Variants in SECISBP2 observed in about 807,000 individuals in gnomAD.
SECISBP2 encodes the protein selenocysteine insertion sequence-binding protein 2.
In SECISBP2, 96 loss-of-function variants were observed where a neutral mutation model predicts 98.2. The ratio of observed to expected loss-of-function variants is 0.98; its 90% confidence interval spans 0.83 to 1.16. The LOEUF is 1.16. SECISBP2 is among the 50% of genes most tolerant of loss of function. SECISBP2 has a pLI of 0.00. For synonymous variants in SECISBP2, 407 were observed against 370.2 expected, an observed-to-expected ratio of 1.10 and a Z score of -1.14; for missense variants, 1,046 against 1,022.9, an observed-to-expected ratio of 1.02 and a Z score of -0.31.
At chr9:89,325,375 T>C (rs754076788) in intron 2 of SECISBP2, 52 bp from the exon 3 acceptor site, 2 of 1,567,112 alleles carry the variant, frequency 1.3e-6, no homozygotes, top group Non-Finnish European at 1.8e-6. Context: ...ACAGAAAAGC[T>C]TCTTGGTTTG....
chr9:89,320,488 C>T (rs548290989), intron 2 of SECISBP2, among the ~76,000 whole-genome samples: 18 of 152,020 alleles, frequency 1.2e-4, no homozygotes, highest in Non-Finnish European at 1.8e-4. Context: ...AAACGTACTC[C>T]TCCTTTTTAA....
At position 89,333,736 on chromosome 9, in the gene SECISBP2, T is replaced by A. The variant is rs558833205; in HGVS notation, c.880+750T>A. 4.5e-4 allele frequency among the ~76,000 whole-genome samples: 69 copies of A among 152,372 alleles called. No homozygotes were observed. In the South Asian group the frequency reaches 0.013, roughly 30 times the overall value. ...CTGTCCTGGCCAAGAAGTAATATTT[T>A]CAGAGAGAGTTCCATGTACCCTGCT... On this transcript the variant is annotated intron_variant, in intron 6 of 16. Coordinates refer to ENST00000375807, the MANE Select transcript of SECISBP2 (RefSeq NM_024077.5).
In SECISBP2 at chr9:89,328,863, A is replaced by G; in HGVS notation, c.778A>G (p.Lys260Glu). The G allele has an allele frequency of 6.2e-7, 1 of 1,614,096 alleles. No individual in the cohort carries two copies. The highest frequency in any genetic ancestry group is 8.5e-7 in the Non-Finnish European group (1 of 1,179,918). ...CATTTCTCTTCTAAGAGAAGTAGTAAAACCAGCTGCAGTGTTATCAAAGGT... is the reference window on the plus strand; with the variant it reads ...CATTTCTCTTCTAAGAGAAGTAGTAGAACCAGCTGCAGTGTTATCAAAGGT... The part of the protein sequence containing the change: ...TDISLLREVV[K>E]PAAVLSKGEI... Residue 260 changes from lysine to glutamate, a missense_variant, in exon 5 of 17, where the codon AAA (lysine) becomes GAA (glutamate). Physicochemically the swap from Lys to Glu is moderately conservative, Grantham distance 56. Transcript: ENST00000375807.
chr9:89,321,601 G>A (rs1227220815), intron 2 of SECISBP2, among the ~76,000 whole-genome samples: 1 of 152,130 alleles, frequency 6.6e-6, no homozygotes, highest in African/African-American at 2.4e-5. Flanking sequence ...AGGAGATGGA[G>A]GTTGCAGTGA....
At chr9:89,354,837 G>A (rs1251122223) in intron 14 of SECISBP2, 2 of 985,338 alleles carry the variant, frequency 2.0e-6, no homozygotes, top group Admixed American at 6.1e-5. Context: ...TCCAGTGAGA[G>A]AGATGCATCT....
chr9:89,360,042 G>T (rs1204418310), downstream of SECISBP2, among the ~76,000 whole-genome samples: 2 of 152,240 alleles, frequency 1.3e-5, no homozygotes, highest in African/African-American at 2.4e-5. Flanking sequence ...GAAATGACAT[G>T]CTATGAGCAG....
intron 1 of SECISBP2, chr9:89,319,142 A>G: frequency 5.0e-6 from 4 of 801,204 alleles, no homozygotes; most frequent in South Asian, 5.0e-5. Flanking sequence ...GCTCGTGGTG[A>G]TAATATTTTC....
chr9:89,334,755 T>G, intron 7 of SECISBP2, 25 bp downstream of exon 7: 2 of 1,577,388 alleles, frequency 1.3e-6, no homozygotes, highest in South Asian at 2.2e-5. Flanking sequence ...AGACAGAAAG[T>G]AGGATGGTGG....
At chr9:89,355,394 C>G (rs1000964421) in intron 14 of SECISBP2, 6 of 985,176 alleles carry the variant, frequency 6.1e-6, no homozygotes, top group Non-Finnish European at 6.0e-6. Context: ...GCATCCTCTC[C>G]AGGAGTTTTT....
At chr9:89,362,457 T>C (rs367802707), downstream of SECISBP2, 39 of 1,613,890 alleles carry the variant, frequency 2.4e-5, no homozygotes, top group South Asian at 3.0e-4. Flanking sequence ...CTTTGAATCC[T>C]TGGTGGAACG....
intron 3 of SECISBP2, 107 bp from the exon 4 acceptor site, chr9:89,325,790 T>A: frequency 6.3e-7 from 1 of 1,590,678 alleles, no homozygotes; most frequent in Non-Finnish European, 8.6e-7. Context: ...TTTTTGTATT[T>A]AACCTTTTAA....
rs1460522192 is a variant in SECISBP2, at chr9:89,328,758, G to C, written c.673G>C (p.Glu225Gln). 1 of 1,614,220 alleles carries C rather than the reference G, an allele frequency of 6.2e-7. No homozygotes were observed. Among genetic ancestry groups the C allele is most frequent in the Admixed American group, 1.7e-5 (1 of 60,026 alleles). The change falls in exon 5 of 17, where the codon GAA becomes CAA. Residue 225 changes from glutamate (E) to glutamine (Q), a missense_variant. Coordinates refer to ENST00000375807, the MANE Select transcript of SECISBP2 (RefSeq NM_024077.5). ...TGAATTTACCACACTGGACTTTCCTGAACTGCAAGGTGCAGAGAACAATAT... is the reference window on the plus strand; with the variant it reads ...TGAATTTACCACACTGGACTTTCCTCAACTGCAAGGTGCAGAGAACAATAT... Reference protein sequence around the residue: ...EFEFTTLDFPELQGAENNMSE... With the variant: ...EFEFTTLDFPQLQGAENNMSE...
At chr9:89,363,656 C>T, downstream of SECISBP2, 1 of 1,592,120 alleles carries the variant, frequency 6.3e-7, no homozygotes, top group Non-Finnish European at 8.6e-7. Flanking sequence ...TGCAAGCATG[C>T]TTTCCAGCTG....
rs537786729 is a variant in SECISBP2 at position 89,329,371 on chromosome 9, C to T, written c.801+485C>T. The T allele has an allele frequency of 4.5e-4, 79 of 175,374 alleles. 1 individual carries two copies. The South Asian group carries it at 7.9e-3, about 18-fold the overall frequency. 10.9% of individuals were successfully genotyped at this position (175,374 alleles called of 1,614,324 possible). ...GCTAAGGCAATCCGCCTGCCTGGGC[C>T]TCCCAAAGTGCTAGGATTACAGGCG... is the stretch of plus-strand genomic sequence containing the variant. On this transcript the variant is annotated intron_variant, in intron 5 of 16. Coordinates refer to ENST00000375807, the MANE Select transcript of SECISBP2 (RefSeq NM_024077.5).
In SECISBP2 at chr9:89,347,065, A is replaced by C; in HGVS notation, c.1602+17A>C. 1 of 1,612,208 alleles carries C rather than the reference A, an allele frequency of 6.2e-7. No individual in the cohort carries two copies. Among genetic ancestry groups the C allele is most frequent in the Non-Finnish European group, 8.5e-7 (1 of 1,179,116 alleles). ...CTGAAGAAGGTATGTGGGGTGTTTC[A>C]GCCGAAGTGAGGCACTAGAAAACTT... On this transcript the variant is annotated intron_variant, in intron 11 of 16. Transcript: ENST00000375807.
chr9:89,351,219 C>T (rs968687654), intron 14 of SECISBP2, among the ~76,000 whole-genome samples: 1 of 152,178 alleles, frequency 6.6e-6, no homozygotes, highest in Non-Finnish European at 1.5e-5. Flanking sequence ...CTACCTAGGG[C>T]TTTCATCTAC....
rs968339893 is a variant in SECISBP2, at chr9:89,346,819, A to T, written c.1436-63A>T. 1.2e-5 allele frequency: 19 copies of T among 1,605,984 alleles called. No homozygotes were observed. The African/African-American group carries it at 2.5e-4, about 22-fold the overall frequency. On this transcript the variant is annotated intron_variant, in intron 10 of 16. Coordinates refer to ENST00000375807, the MANE Select transcript of SECISBP2 (RefSeq NM_024077.5). Reference sequence around the variant, plus strand: ...TGAGGCAGCCCCTGGGCGAGCTGCGATCCAAGAGCTGGGTGGGGCATCTGG... The same window carrying T: ...TGAGGCAGCCCCTGGGCGAGCTGCGTTCCAAGAGCTGGGTGGGGCATCTGG...
At chr9:89,363,169 G>T (rs1832979266), downstream of SECISBP2, among the ~76,000 whole-genome samples, 2 of 152,218 alleles carry the variant, frequency 1.3e-5, no homozygotes, top group South Asian at 4.1e-4. Context: ...AGCCCCACCT[G>T]TGAGTCCCTC....
At chr9:89,359,837 C>G (rs988678676), downstream of SECISBP2, among the ~76,000 whole-genome samples, 5 of 152,306 alleles carry the variant, frequency 3.3e-5, no homozygotes, top group Admixed American at 6.5e-5. Flanking sequence ...ACTGCACAGA[C>G]CTGCCGGAGC....
Sources: gnomAD v4.1 joint callset for allele counts (sites outside exome capture counted in the v4.1 genomes callset) on GRCh38, gnomAD v4.1.1 for gene constraint, MANE v1.5 for transcripts, NCBI Gene and HGNC (gene_info 2026-07-23, HGNC 2026-07-21) for gene names.